Variants in PSME4 observed in about 807,000 individuals in gnomAD.
PSME4 encodes the protein proteasome activator subunit 4.
In PSME4, 89 loss-of-function variants were observed where a neutral mutation model predicts 253.9. The observed-to-expected ratio is 0.35, with a 90% CI of 0.30 to 0.42. The LOEUF is 0.42. Among genes scored for constraint, PSME4 ranks in the 10% least tolerant of loss-of-function variants. The probability of loss-of-function intolerance (pLI) is 1.00; values close to 1 mark genes in which losing one functional copy is unlikely to be tolerated. For synonymous variants in PSME4, 851 were observed against 759.2 expected (o/e 1.12, Z -1.99); for missense variants, 2,014 against 2,195.2 (o/e 0.92, Z 1.65).
chr2:53,915,013 A>T (rs1247236575), intron 20 of PSME4, among the ~76,000 whole-genome samples: 1 of 152,184 alleles, frequency 6.6e-6, no homozygotes, highest in East Asian at 1.9e-4. Flanking sequence ...TCAATCTCTA[A>T]TATAAGAATA....
At chr2:53,962,130 A>G (rs1030257040) in intron 1 of PSME4, among the ~76,000 whole-genome samples, 2 of 152,246 alleles carry the variant, frequency 1.3e-5, no homozygotes, top group Non-Finnish European at 2.9e-5. Flanking sequence ...AGCTAAGAAC[A>G]TAAAGTACAT....
Position 53,948,462 on chromosome 2 carries a change from T to A in PSME4, c.459A>T (p.Leu153Phe). 2 of 1,613,374 alleles carry A rather than the reference T, an allele frequency of 1.2e-6. No individual in the cohort carries two copies. The highest frequency in any genetic ancestry group is 1.3e-5 in the African/African-American group (1 of 75,042). ...ATCCTAGGTGCTCTGTCTTGGAATA[T>A]AATATTCTTTCTACCATGTCATAAA... Reference protein sequence around the residue: ...RPLYDMVERILYSKTEHLGLN... With the variant: ...RPLYDMVERIFYSKTEHLGLN... Residue 153 changes from leucine (L) to phenylalanine (F), a missense_variant, in exon 3 of 47, where the codon TTA becomes TTT. Leu to Phe is a conservative substitution (Grantham distance 22, BLOSUM62 0). Around this residue, in one of 4 missense-constraint regions of PSME4, gnomAD observed 615 missense variants for 594.4 expected, o/e 1.03. Transcript: ENST00000404125.
intron 21 of PSME4, 138 bp downstream of exon 21, chr2:53,909,937 T>A: frequency 1.2e-6 from 1 of 808,514 alleles, no homozygotes; most frequent in East Asian, 2.5e-5. Flanking sequence ...GTCACCACAC[T>A]CCAGCCTGGG....
chr2:53,943,355 G>T (rs1669543631), intron 3 of PSME4, among the ~76,000 whole-genome samples: 1 of 152,054 alleles, frequency 6.6e-6, no homozygotes, highest in African/African-American at 2.4e-5. Flanking sequence ...CCTGTGCCAG[G>T]CACTTCATCT....
intron 33 of PSME4, among the ~76,000 whole-genome samples, chr2:53,895,344 C>T (rs773580681): frequency 1.3e-5 from 2 of 152,078 alleles, no homozygotes; most frequent in African/African-American, 4.8e-5. Context: ...TAATTTAGAG[C>T]AGCTATTAAT....
intron 24 of PSME4, among the ~76,000 whole-genome samples, chr2:53,907,458 T>A (rs1016454603): frequency 3.3e-5 from 5 of 152,176 alleles, no homozygotes; most frequent in Non-Finnish European, 5.9e-5. Context: ...TACCACTGAC[T>A]TGACTTAGGC....
chr2:53,885,116 T>C (rs1679574911), intron 41 of PSME4, among the ~76,000 whole-genome samples: 1 of 152,232 alleles, frequency 6.6e-6, no homozygotes, highest in African/African-American at 2.4e-5. Context: ...CAAACTATGA[T>C]TTTGGAAACT....
At chr2:53,936,891 C>G in intron 5 of PSME4, 64 bp from the exon 6 acceptor site, 3 of 1,128,456 alleles carry the variant, frequency 2.7e-6, no homozygotes, top group East Asian at 2.6e-5. Context: ...GCCAGCTATG[C>G]TTTGTCTTTT....
intron 10 of PSME4, among the ~76,000 whole-genome samples, chr2:53,929,570 C>T (rs1266218702): frequency 6.6e-6 from 1 of 151,748 alleles, no homozygotes; most frequent in Non-Finnish European, 1.5e-5. Context: ...CCTGGGACTA[C>T]AGGCATAAGC....
At chr2:53,933,393 A>G (rs1366914364) in intron 8 of PSME4, among the ~76,000 whole-genome samples, 1 of 149,126 alleles carries the variant, frequency 6.7e-6, no homozygotes, top group East Asian at 2.0e-4. Flanking sequence ...AAAAAAAAAA[A>G]AAAAAAAAAA....
intron 43 of PSME4, among the ~76,000 whole-genome samples, chr2:53,872,828 G>T (rs1165431504): frequency 7.0e-6 from 1 of 143,592 alleles, no homozygotes; most frequent in Non-Finnish European, 1.5e-5. Context: ...AATAATTAAA[G>T]TTAGGAAACA....
chr2:53,953,597 T>C lies in PSME4; in HGVS notation c.243-4314A>G, dbSNP rs558533698. ...GAATATTAAATCTCAGTAAAGCTGT[T>C]TGTCTTTTTTTTTTTTTAAGGTGAA... On this transcript the variant is annotated intron_variant, in intron 1 of 46. Transcript: ENST00000404125. 1.0e-3 allele frequency among the ~76,000 whole-genome samples: 143 copies of C among 142,622 alleles called. 2 individuals carry two copies. The South Asian group carries it at 0.034, about 34-fold the overall frequency. 93.6% of individuals were successfully genotyped at this position (142,622 alleles called of 152,430 possible). A position where few individuals can be genotyped will look rare whatever the true frequency, so the allele number is the denominator to read the frequency against.
At chr2:53,934,544 T>G in intron 8 of PSME4, 61 bp downstream of exon 8, 1 of 1,522,448 alleles carries the variant, frequency 6.6e-7, no homozygotes, top group Non-Finnish European at 8.9e-7. Flanking sequence ...ATCCACAATT[T>G]TTGTAAGGTT....
intron 26 of PSME4, 104 bp downstream of exon 26, chr2:53,906,494 A>G (rs1680665128): frequency 8.0e-6 from 11 of 1,379,216 alleles, no homozygotes; most frequent in Non-Finnish European, 1.0e-5. Context: ...AATAATTCCA[A>G]TTATGGGTGA....
chr2:53,908,208 A>T, intron 24 of PSME4, 112 bp downstream of exon 24: 1 of 746,228 alleles, frequency 1.3e-6, no homozygotes, highest in Non-Finnish European at 2.1e-6. Flanking sequence ...TTTTAAATCT[A>T]CTATTTTTCC....
chr2:53,904,076 A>C lies in PSME4; in HGVS notation c.3024T>G (p.Val1008=). The part of the protein sequence containing the change: ...NFCCRDIIPL[V]LEFLRPDRQG... ...GTCTATCAGGCCTTAAGAACTCCAA[A>C]ACCAAGGGAATGATATCTCTGCAAC... The change falls in exon 27 of 47, where the codon GTT becomes GTG. Residue 1008 remains valine, a synonymous_variant. Transcript: ENST00000404125. The C allele has an allele frequency of 6.2e-7, 1 of 1,613,896 alleles. No individual in the cohort carries two copies. Among genetic ancestry groups the C allele is most frequent in the Non-Finnish European group, 8.5e-7 (1 of 1,179,890 alleles).
intron 3 of PSME4, among the ~76,000 whole-genome samples, chr2:53,940,267 T>G (rs1669331446): frequency 6.6e-6 from 1 of 152,132 alleles, no homozygotes; most frequent in Non-Finnish European, 1.5e-5. Context: ...CAAATTGTTT[T>G]CAGTCTTTAC....
chr2:53,945,980 C>G (rs935116073), intron 3 of PSME4, among the ~76,000 whole-genome samples: 1 of 152,152 alleles, frequency 6.6e-6, no homozygotes, highest in Non-Finnish European at 1.5e-5. Context: ...GTCACAACGT[C>G]TCTTCAAAAG....
intron 20 of PSME4, among the ~76,000 whole-genome samples, chr2:53,918,415 A>G (rs1290822171): frequency 1.3e-5 from 2 of 152,138 alleles, no homozygotes; most frequent in African/African-American, 4.8e-5. Context: ...GTGCAGCAGC[A>G]TGATCTCAGC....
Sources: gnomAD v4.1 joint callset for allele counts (sites outside exome capture counted in the v4.1 genomes callset) on GRCh38, gnomAD v4.1.1 for gene constraint, gnomAD v4.1.1 regional missense constraint, MANE v1.5 for transcripts, NCBI Gene and HGNC (gene_info 2026-07-23, HGNC 2026-07-21) for gene names.